The following PLPPR1 variants were observed in gnomAD, a reference collection of about 807,000 sequenced individuals.
PLPPR1 encodes phospholipid phosphatase-related protein type 1.
PLPPR1 carries 10 observed loss-of-function variants against 33.1 expected under a neutral mutation model. The ratio of observed to expected loss-of-function variants is 0.30; its 90% CI spans 0.19 to 0.51. The LOEUF (loss-of-function observed/expected upper bound fraction) is 0.51, where lower values mean the gene tolerates loss of function less well. Among genes scored for constraint, PLPPR1 ranks in the 20% least tolerant of loss-of-function variants. The pLI, the probability that PLPPR1 is intolerant of heterozygous loss-of-function variation, is 0.97. For missense variants in PLPPR1, 304 were observed against 408.1 expected (o/e 0.74, Z 2.20); for synonymous variants, 151 against 151.0 (o/e 1.00, Z 0.00).
chr9:101,316,552 C>T (rs958732573), intron 6 of PLPPR1, among the ~76,000 whole-genome samples: 2 of 145,264 alleles, frequency 1.4e-5, no homozygotes, highest in Admixed American at 7.1e-5. Flanking sequence ...AAGATTCGAA[C>T]ATGCTGGATG....
At chr9:101,315,535 A>G (rs539953989) in intron 6 of PLPPR1, among the ~76,000 whole-genome samples, 2 of 152,296 alleles carry the variant, frequency 1.3e-5, no homozygotes, top group Non-Finnish European at 2.9e-5. Flanking sequence ...TTTTCTCTCC[A>G]TAACATGCAG....
intron 2 of PLPPR1, among the ~76,000 whole-genome samples, chr9:101,262,036 A>G (rs1827908883): frequency 6.6e-6 from 1 of 152,174 alleles, no homozygotes; most frequent in Admixed American, 6.5e-5. Context: ...GACTTACTAG[A>G]AAAATAGTCT....
chr9:101,212,474 T>C (rs1826709225), intron 2 of PLPPR1, among the ~76,000 whole-genome samples: 2 of 152,190 alleles, frequency 1.3e-5, no homozygotes, highest in South Asian at 4.1e-4. Context: ...GCCAGCTATA[T>C]ACAGAGTAAC....
chr9:101,236,019 G>A (rs1022357252), intron 2 of PLPPR1, among the ~76,000 whole-genome samples: 9 of 151,746 alleles, frequency 5.9e-5, no homozygotes, highest in African/African-American at 2.2e-4. Context: ...TAGAGTGGGA[G>A]AGTTCCTCAT....
intron 2 of PLPPR1, among the ~76,000 whole-genome samples, chr9:101,236,565 C>A (rs1294151374): frequency 6.9e-6 from 1 of 145,152 alleles, no homozygotes; most frequent in African/African-American, 2.5e-5. Context: ...CACACATTTT[C>A]TTCATAGTTA....
intron 1 of PLPPR1, among the ~76,000 whole-genome samples, chr9:101,074,384 T>G (rs1830513072): frequency 1.3e-5 from 2 of 151,994 alleles, no homozygotes; most frequent in South Asian, 4.1e-4. Flanking sequence ...AAAAGTGAGG[T>G]TCATAGAGGT....
chr9:101,263,582 A>G (rs2118884130), intron 2 of PLPPR1, among the ~76,000 whole-genome samples: 1 of 152,328 alleles, frequency 6.6e-6, no homozygotes, highest in African/African-American at 2.4e-5. Context: ...GGAAACATTT[A>G]AAGTGTCCAA....
At chr9:101,181,859 T>C (rs1306289158) in intron 1 of PLPPR1, among the ~76,000 whole-genome samples, 3 of 149,334 alleles carry the variant, frequency 2.0e-5, no homozygotes, top group Non-Finnish European at 3.0e-5. Context: ...TGTGTGTATA[T>C]ATATATATAC....
intron 2 of PLPPR1, among the ~76,000 whole-genome samples, chr9:101,188,483 T>C (rs946498239): frequency 3.9e-5 from 6 of 152,114 alleles, no homozygotes; most frequent in African/African-American, 1.4e-4. Flanking sequence ...AATTGTCATG[T>C]TTTTTACTTT....
At chr9:101,307,808 C>T (rs941575642) in intron 4 of PLPPR1, among the ~76,000 whole-genome samples, 1 of 152,204 alleles carries the variant, frequency 6.6e-6, no homozygotes, top group Non-Finnish European at 1.5e-5. Context: ...ATAGCAGACT[C>T]TTGACATTTA....
intron 1 of PLPPR1, among the ~76,000 whole-genome samples, chr9:101,138,017 C>T (rs1285404852): frequency 6.6e-6 from 1 of 152,174 alleles, no homozygotes; most frequent in Non-Finnish European, 1.5e-5. Flanking sequence ...GAGATAGCAT[C>T]GATGAGGCTG....
chr9:101,283,499 C>G (rs1369384637), intron 3 of PLPPR1, among the ~76,000 whole-genome samples: 1 of 152,102 alleles, frequency 6.6e-6, no homozygotes, highest in Non-Finnish European at 1.5e-5. Flanking sequence ...ACACCGTATA[C>G]AAAAATCAAC....
At chr9:101,249,231 C>T (rs1255138882) in intron 2 of PLPPR1, among the ~76,000 whole-genome samples, 1 of 152,074 alleles carries the variant, frequency 6.6e-6, no homozygotes, top group Non-Finnish European at 1.5e-5. Flanking sequence ...TCTTGTGTGC[C>T]TCTCTTCTGG....
chr9:101,311,314 G>A (rs535746998), intron 5 of PLPPR1, among the ~76,000 whole-genome samples: 2 of 152,230 alleles, frequency 1.3e-5, no homozygotes, highest in African/African-American at 4.8e-5. Context: ...ATGCCTCACA[G>A]ACTATAGTCA....
At chr9:101,288,764 G>A (rs1272444388) in intron 4 of PLPPR1, among the ~76,000 whole-genome samples, 2 of 152,148 alleles carry the variant, frequency 1.3e-5, no homozygotes, top group Admixed American at 6.5e-5. Context: ...TTGTGTTTTC[G>A]CAAGTCATCC....
At chr9:101,042,079 A>G (rs1368206020) in intron 1 of PLPPR1, among the ~76,000 whole-genome samples, 5 of 152,208 alleles carry the variant, frequency 3.3e-5, no homozygotes, top group South Asian at 4.1e-4. Flanking sequence ...CAGAGAGAAG[A>G]GAAATTTAAT....
chr9:101,289,514 G>T (rs1214471381), intron 4 of PLPPR1, among the ~76,000 whole-genome samples: 1 of 152,172 alleles, frequency 6.6e-6, no homozygotes, highest in African/African-American at 2.4e-5. Context: ...ATCTTGAATT[G>T]TACTCCCATA....
intron 4 of PLPPR1, among the ~76,000 whole-genome samples, chr9:101,299,666 C>T (rs1036209607): frequency 6.6e-6 from 1 of 152,138 alleles, no homozygotes; most frequent in African/African-American, 2.4e-5. Context: ...AGGCTGGACT[C>T]CAATAAAGGA....
intron 1 of PLPPR1, among the ~76,000 whole-genome samples, chr9:101,034,750 A>T (rs1050081689): frequency 6.6e-6 from 1 of 151,962 alleles, no homozygotes; most frequent in Admixed American, 6.6e-5. Flanking sequence ...GGTTAAAAAC[A>T]TAAAGCTTTG....
Sources: allele counts gnomAD v4.1 joint callset (sites outside exome capture counted in the v4.1 genomes callset), GRCh38; gene constraint gnomAD v4.1.1; transcripts MANE v1.5; gene names NCBI Gene and HGNC (gene_info 2026-07-23, HGNC 2026-07-21).